Variants in NCR2 observed in about 807,000 individuals in gnomAD.
The protein encoded by NCR2 is NK cell activating receptor (NKp44).
A neutral mutation model predicts 30.7 loss-of-function variants in NCR2; 35 were observed. That is an observed-to-expected ratio of 1.14 (90% CI 0.87 to 1.51). The LOEUF is 1.51. Ranked by LOEUF, NCR2 falls within the 40% of genes most tolerant of loss-of-function variation. The pLI is 0.00. For missense variants in NCR2, 316 were observed against 328.9 expected, an observed-to-expected ratio of 0.96 and a Z score of 0.30; for synonymous variants, 146 against 134.8, an observed-to-expected ratio of 1.08 and a Z score of -0.58.
At chr6:41,344,035 C>A (rs981971117) in intron 4 of NCR2, among the ~76,000 whole-genome samples, 1 of 152,176 alleles carries the variant, frequency 6.6e-6, no homozygotes, top group Admixed American at 6.5e-5. Flanking sequence ...CCTTTCCAAG[C>A]CCCTTCACCT....
chr6:41,343,427 C>T (rs952993296), intron 4 of NCR2, among the ~76,000 whole-genome samples: 2 of 152,204 alleles, frequency 1.3e-5, no homozygotes, highest in African/African-American at 4.8e-5. Context: ...TTGCAGTGAG[C>T]CATGATCACG....
intron 4 of NCR2, among the ~76,000 whole-genome samples, chr6:41,349,093 AATTTTTTATATTTTT>A (rs1374919307): frequency 3.4e-5 from 5 of 146,832 alleles, no homozygotes; most frequent in Non-Finnish European, 6.0e-5. Context: ...ATATTTTATA[AATTTTTTATATTTTT>A]ATTTTTTATA....
intron 2 of NCR2, 71 bp from the exon 3 acceptor site, chr6:41,341,723 C>T (rs933573218): frequency 6.5e-7 from 1 of 1,531,014 alleles, no homozygotes; most frequent in South Asian, 1.2e-5. Context: ...ACTCCCCCAT[C>T]CAGCTCTCCT....
In NCR2 at chr6:41,344,467, T is replaced by C. The variant is rs950999613; in HGVS notation, c.644+2318T>C. 2.6e-5 allele frequency among the ~76,000 whole-genome samples: 4 copies of C among 152,358 alleles called. No homozygotes were observed. In the South Asian group the frequency reaches 8.3e-4, roughly 32 times the overall value. On this transcript the variant is annotated intron_variant, in intron 4 of 4. Transcript: ENST00000373089. ...TACCAGACTGAGACTGACGTGATTATCTTTTCTCTCCTGTTTGTCATCTAT... is the reference window on the plus strand; with the variant it reads ...TACCAGACTGAGACTGACGTGATTACCTTTTCTCTCCTGTTTGTCATCTAT...
chr6:41,337,049 G>C (rs1259378773), intron 2 of NCR2, among the ~76,000 whole-genome samples: 1 of 152,108 alleles, frequency 6.6e-6, no homozygotes, highest in African/African-American at 2.4e-5. Context: ...CTGTGACAGA[G>C]ACCACATGGC....
At chr6:41,338,382 T>A (rs971308491) in intron 2 of NCR2, among the ~76,000 whole-genome samples, 2 of 152,164 alleles carry the variant, frequency 1.3e-5, no homozygotes, top group Non-Finnish European at 2.9e-5. Flanking sequence ...CAGCACAACG[T>A]TCAGTTAAGC....
intron 4 of NCR2, among the ~76,000 whole-genome samples, chr6:41,345,796 C>T (rs547257587): frequency 6.6e-6 from 1 of 152,326 alleles, no homozygotes; most frequent in South Asian, 2.1e-4. Flanking sequence ...CCTTTCCACC[C>T]TGCACCTGAA....
In NCR2 at chr6:41,336,067, G is replaced by GCC; in HGVS notation, c.53-20_53-19insCC. The GCC allele has an allele frequency of 2.5e-6, 4 of 1,608,084 alleles. No individual in the cohort carries two copies. In the South Asian group the frequency reaches 4.4e-5, roughly 18 times the overall value. ...TTGTGCGCGTGGCCTTGACCTATGC[G>GCC]TTACTTCATCATTCTCCAGGCTCTC... On this transcript the variant is annotated intron_variant, in intron 1 of 4. Transcript: ENST00000373089.
intron 4 of NCR2, among the ~76,000 whole-genome samples, chr6:41,345,936 C>A (rs1440412370): frequency 6.6e-6 from 1 of 152,060 alleles, no homozygotes; most frequent in Non-Finnish European, 1.5e-5. Flanking sequence ...GGGAGGGAGG[C>A]GGTTTGTTCT....
In NCR2 at chr6:41,335,847, C is replaced by T. The variant is rs1339257597; in HGVS notation, c.-30C>T. 2 of 1,556,624 alleles carry T rather than the reference C, an allele frequency of 1.3e-6. No individual in the cohort carries two copies. The highest frequency in any genetic ancestry group is 8.7e-7 in the Non-Finnish European group (1 of 1,149,014). ...TCTCCCCAGTCTTCTCCAGGTGTCC[C>T]CTCCCATGAGCGCACAGGAAAAGGA... On this transcript the variant is annotated 5_prime_UTR_variant, in exon 1 of 5. Coordinates refer to ENST00000373089, the MANE Select transcript of NCR2 (RefSeq NM_004828.4).
intron 4 of NCR2, chr6:41,343,116 T>C: frequency 8.7e-7 from 1 of 1,154,740 alleles, no homozygotes; most frequent in Admixed American, 2.3e-5. Context: ...AGGCCAGGAC[T>C]TGATCCAAGG....
intron 1 of NCR2, 21 bp from the exon 2 acceptor site, chr6:41,336,066 C>A (rs111396440): frequency 1.1e-5 from 18 of 1,607,494 alleles, no homozygotes; most frequent in African/African-American, 1.1e-4. Flanking sequence ...TTGACCTATG[C>A]GTTACTTCAT....
intron 2 of NCR2, among the ~76,000 whole-genome samples, chr6:41,337,010 T>C (rs1739039279): frequency 1.3e-5 from 2 of 152,232 alleles, no homozygotes. Context: ...CTGTGGCCCT[T>C]TTCATGCTGT....
intron 4 of NCR2, among the ~76,000 whole-genome samples, chr6:41,345,245 C>T (rs974284605): frequency 6.6e-6 from 1 of 152,150 alleles, no homozygotes; most frequent in Non-Finnish European, 1.5e-5. Flanking sequence ...TTCCAGCACC[C>T]ACTTCAACCC....
rs768253276 is a variant in NCR2, at chr6:41,335,870, G to A, written c.-7G>A. 1.7e-5 allele frequency: 26 copies of A among 1,563,792 alleles called. No homozygotes were observed. The East Asian group carries it at 5.9e-4, about 36-fold the overall frequency. On this transcript the variant is annotated 5_prime_UTR_variant, in exon 1 of 5. Coordinates refer to ENST00000373089, the MANE Select transcript of NCR2 (RefSeq NM_004828.4). ...CCCCTCCCATGAGCGCACAGGAAAA[G>A]GACCACATGGCCTGGCGAGCCCTAC...
chr6:41,342,184 G>A, intron 4 of NCR2, 35 bp downstream of exon 4: 1 of 1,606,996 alleles, frequency 6.2e-7, no homozygotes, highest in Non-Finnish European at 8.5e-7. Flanking sequence ...GGGGAAAATG[G>A]AACAGGGAAC....
Position 41,348,541 on chromosome 6 carries a change from C to G in NCR2, c.645-2137C>G, listed in dbSNP as rs1156453020. Among the ~76,000 whole-genome samples, 3 of 152,158 alleles carry G rather than the reference C, an allele frequency of 2.0e-5. No homozygotes were observed. The South Asian group carries it at 6.2e-4, about 32-fold the overall frequency. ...TGTTGGAAATTCCTTGATTCAGACA[C>G]TGCTCAACTCCTACCTAGAAATAAT... is the stretch of plus-strand genomic sequence containing the variant. On this transcript the variant is annotated intron_variant, in intron 4 of 4. Coordinates refer to ENST00000373089, the MANE Select transcript of NCR2 (RefSeq NM_004828.4).
At chr6:41,346,706 G>A (rs1769307821) in intron 4 of NCR2, among the ~76,000 whole-genome samples, 1 of 152,120 alleles carries the variant, frequency 6.6e-6, no homozygotes, top group African/African-American at 2.4e-5. Context: ...CCTTGAGAGT[G>A]GAGTGGCTCT....
At position 41,335,685 on chromosome 6, in the gene NCR2, G is replaced by A. The variant is rs1249536056; in HGVS notation, c.-192G>A. On this transcript the variant is annotated 5_prime_UTR_variant, in exon 1 of 5. Coordinates refer to ENST00000373089, the MANE Select transcript of NCR2 (RefSeq NM_004828.4). ...ACCAGACCCAGACTCACCTACAGCTGGAGATCCCCACTTCCCTGTGCCCAC... is the reference window on the plus strand; with the variant it reads ...ACCAGACCCAGACTCACCTACAGCTAGAGATCCCCACTTCCCTGTGCCCAC... 1 of 655,544 alleles carries A rather than the reference G, an allele frequency of 1.5e-6. No individual in the cohort carries two copies. Among genetic ancestry groups the A allele is most frequent in the African/African-American group, 1.8e-5 (1 of 55,766 alleles). The allele number at this position is 655,544 out of a possible 1,614,324, so 40.6% of individuals were successfully genotyped here.
Sources: allele counts gnomAD v4.1 joint callset (sites outside exome capture counted in the v4.1 genomes callset), GRCh38; gene constraint gnomAD v4.1.1; transcripts MANE v1.5; gene names NCBI Gene and HGNC (gene_info 2026-07-23, HGNC 2026-07-21).